Variants in NCOA7 observed in about 807,000 individuals in gnomAD.
The protein encoded by NCOA7 is nuclear receptor coactivator 7.
NCOA7 carries 45 observed loss-of-function variants against 104.3 expected under a neutral mutation model. That is an observed-to-expected ratio of 0.43 (90% CI 0.34 to 0.55). NCOA7 has a LOEUF of 0.55. Among genes scored for constraint, NCOA7 ranks in the 20% least tolerant of loss-of-function variants. NCOA7 has a pLI of 0.02. For missense variants in NCOA7, 1,041 were observed against 1,119.7 expected (o/e 0.93, Z 1.00); for synonymous variants, 398 against 402.3 (o/e 0.99, Z 0.13).
intron 10 of NCOA7, among the ~76,000 whole-genome samples, chr6:125,913,150 AC>A (rs1786740838): frequency 1.3e-5 from 2 of 152,362 alleles, no homozygotes; most frequent in Non-Finnish European, 2.9e-5. Context: ...GAGAAACAGA[AC>A]CAAAATGTGT....
intron 4 of NCOA7, chr6:125,875,284 C>T: frequency 4.3e-6 from 1 of 230,342 alleles, no homozygotes. Context: ...CCATGTGCAT[C>T]CCTCTGGAGC....
At chr6:125,828,939 AG>A (rs530411767) in intron 2 of NCOA7, among the ~76,000 whole-genome samples, 261 of 152,246 alleles carry the variant, frequency 1.7e-3, no homozygotes, top group African/African-American at 5.9e-3. Context: ...CAAATAATGG[AG>A]CCAGGGTCTC....
intron 10 of NCOA7, among the ~76,000 whole-genome samples, chr6:125,904,338 C>T (rs1335866609): frequency 6.6e-6 from 1 of 152,172 alleles, no homozygotes; most frequent in Non-Finnish European, 1.5e-5. Context: ...TGTTTACTCT[C>T]CACCACCTGA....
upstream of NCOA7, among the ~76,000 whole-genome samples, chr6:125,790,167 T>TG (rs1370951213): frequency 1.3e-5 from 2 of 151,950 alleles, no homozygotes; most frequent in African/African-American, 4.8e-5. Flanking sequence ...GGGAAGGAGA[T>TG]GGTGGGCCCC....
intron 1 of NCOA7, among the ~76,000 whole-genome samples, chr6:125,795,718 G>A (rs149175871): frequency 2.7e-3 from 411 of 152,180 alleles, no homozygotes; most frequent in Middle Eastern, 0.01. Flanking sequence ...TCATACACAG[G>A]AAGGAATCTG....
intron 2 of NCOA7, among the ~76,000 whole-genome samples, chr6:125,839,698 C>T (rs375982760): frequency 7.9e-5 from 12 of 152,032 alleles, no homozygotes; most frequent in African/African-American, 2.9e-4. Flanking sequence ...CCACATAAGC[C>T]ACTGGCCTCA....
chr6:125,897,534 A>G (rs1355681517), intron 10 of NCOA7, among the ~76,000 whole-genome samples: 1 of 152,210 alleles, frequency 6.6e-6, no homozygotes, highest in Non-Finnish European at 1.5e-5. Context: ...AATAGCACAC[A>G]GTTAATTTTT....
intron 14 of NCOA7, 152 bp from the exon 15 acceptor site, chr6:125,928,022 A>T (rs1473113070): frequency 2.6e-6 from 2 of 770,846 alleles, no homozygotes; most frequent in South Asian, 1.6e-5. Context: ...GGGAGATCTC[A>T]TCCTGGTGTG....
chr6:125,875,717 TATTA>T (rs1783313941), intron 4 of NCOA7, among the ~76,000 whole-genome samples: 1 of 152,244 alleles, frequency 6.6e-6, no homozygotes, highest in Non-Finnish European at 1.5e-5. Context: ...AGTTTAACAT[TATTA>T]ATTCATTAGC....
At chr6:125,919,574 G>C in intron 11 of NCOA7, 1 of 768,754 alleles carries the variant, frequency 1.3e-6, no homozygotes, top group Non-Finnish European at 2.1e-6. Flanking sequence ...ATTGCGGAGA[G>C]GGTTATGGTG....
intron 10 of NCOA7, among the ~76,000 whole-genome samples, chr6:125,896,881 T>A (rs544714702): frequency 1.3e-5 from 2 of 152,396 alleles, no homozygotes; most frequent in African/African-American, 4.8e-5. Context: ...GTGCTGTTTC[T>A]CTAATTGGCT....
In NCOA7 at chr6:125,881,129, T is replaced by C; in HGVS notation, c.499T>C (p.Leu167=). ...AGATGCCAACTCTCCTTCCAGTACC[T>C]TAAGGCTATCATCATCCAGTCCTGG... ...VPDANSPSST[L]RLSSSSPGAT... The change falls in exon 6 of 16, where the codon TTA becomes CTA. Residue 167 remains leucine (L), a synonymous_variant. Coordinates refer to ENST00000392477, the MANE Select transcript of NCOA7 (RefSeq NM_181782.5). 6.2e-7 allele frequency: 1 copy of C among 1,614,034 alleles called. No individual in the cohort carries two copies. The highest frequency in any genetic ancestry group is 8.5e-7 in the Non-Finnish European group (1 of 1,179,928).
At position 125,887,082 on chromosome 6, in the gene NCOA7, T is replaced by C. The variant is rs76092883; in HGVS notation, c.884+1739T>C. ...GCAACTGCACTGCAGAAAAAGCAGA[T>C]GGTGAAATTAATCTCAAGTGGGGAA... On this transcript the variant is annotated intron_variant, in intron 8 of 15. Transcript: ENST00000392477. Among the ~76,000 whole-genome samples, 134 of 152,352 alleles carry C rather than the reference T, an allele frequency of 8.8e-4. 1 individual carries two copies. The highest frequency in any genetic ancestry group is 3.2e-3 in the African/African-American group (131 of 41,576).
At chr6:125,832,989 C>T (rs1465954113) in intron 2 of NCOA7, among the ~76,000 whole-genome samples, 1 of 152,200 alleles carries the variant, frequency 6.6e-6, no homozygotes, top group African/African-American at 2.4e-5. Context: ...CTCTCTGGAA[C>T]TTCAGAATAG....
intron 11 of NCOA7, 22 bp downstream of exon 11, chr6:125,915,502 G>T: frequency 6.2e-7 from 1 of 1,613,136 alleles, no homozygotes; most frequent in South Asian, 1.1e-5. Context: ...GGCAGGGTTA[G>T]ACCGTCGTAG....
chr6:125,906,905 A>G (rs1052792346), intron 10 of NCOA7, among the ~76,000 whole-genome samples: 11 of 152,212 alleles, frequency 7.2e-5, no homozygotes, highest in African/African-American at 2.4e-4. Context: ...AGGAAAAACT[A>G]TGAAGTCATA....
At chr6:125,912,750 A>T (rs887726884) in intron 10 of NCOA7, among the ~76,000 whole-genome samples, 1 of 152,190 alleles carries the variant, frequency 6.6e-6, no homozygotes, top group African/African-American at 2.4e-5. Flanking sequence ...ATTCCAAAGG[A>T]CTATGCAAGC....
rs1783805387 is a variant in NCOA7, at chr6:125,881,310, A to G, written c.573+107A>G. ...AGATTACATCTGAAATTCTCCCTAG[A>G]TGGTTGAGATTAGGTAATTGGAGAA... On this transcript the variant is annotated intron_variant, in intron 6 of 15. Coordinates refer to ENST00000392477, the MANE Select transcript of NCOA7 (RefSeq NM_181782.5). 6.0e-6 allele frequency: 5 copies of G among 839,210 alleles called. No homozygotes were observed. The Admixed American group carries it at 1.0e-4, about 17-fold the overall frequency. 52.0% of individuals were successfully genotyped at this position (839,210 alleles called of 1,614,324 possible).
chr6:125,901,520 G>T (rs1389796604), intron 10 of NCOA7, among the ~76,000 whole-genome samples: 1 of 152,230 alleles, frequency 6.6e-6, no homozygotes, highest in South Asian at 2.1e-4. Context: ...GGGGGAGCAC[G>T]CAGGTGAGTG....
Sources: gnomAD v4.1 joint callset for allele counts (sites outside exome capture counted in the v4.1 genomes callset) on GRCh38, gnomAD v4.1.1 for gene constraint, MANE v1.5 for transcripts, NCBI Gene and HGNC (gene_info 2026-07-23, HGNC 2026-07-21) for gene names.